ZMAT4: variants seen among roughly 807,000 people sequenced by gnomAD.
ZMAT4 encodes zinc finger matrin-type 4.
Under a neutral mutation model 28.7 loss-of-function variants are expected in ZMAT4, and 17 were observed. That is an observed-to-expected ratio of 0.59 (90% CI 0.41 to 0.89). The LOEUF is 0.89. ZMAT4 is among the 40% of genes least tolerant of loss of function. The pLI, the probability that ZMAT4 is intolerant of heterozygous loss-of-function variation, is 0.00. For synonymous variants in ZMAT4, 117 were observed against 109.2 expected (o/e 1.07, Z -0.44); for missense variants, 240 against 283.8 (o/e 0.85, Z 1.11).
intron 1 of ZMAT4, among the ~76,000 whole-genome samples, chr8:40,876,926 A>G (rs912069961): frequency 6.6e-6 from 1 of 152,062 alleles, no homozygotes; most frequent in African/African-American, 2.4e-5. Flanking sequence ...TACCTAAAAG[A>G]CTCTTGTTAC....
At chr8:40,666,689 A>G (rs1236229471) in intron 5 of ZMAT4, among the ~76,000 whole-genome samples, 2 of 152,150 alleles carry the variant, frequency 1.3e-5, no homozygotes, top group African/African-American at 2.4e-5. Flanking sequence ...AACACACAAA[A>G]TAAAGTTTCA....
At chr8:40,590,853 A>G in intron 5 of ZMAT4, among the ~76,000 whole-genome samples, 1 of 151,986 alleles carries the variant, frequency 6.6e-6, no homozygotes, top group Admixed American at 6.6e-5. Context: ...TTGATTACTT[A>G]GATATTAACG....
intron 6 of ZMAT4, among the ~76,000 whole-genome samples, chr8:40,532,923 C>T (rs1289026832): frequency 6.6e-6 from 1 of 150,708 alleles, no homozygotes; most frequent in African/African-American, 2.4e-5. Context: ...GAACCTGATG[C>T]AGTGAGCCGA....
At chr8:40,801,949 G>T (rs1283961124) in intron 2 of ZMAT4, among the ~76,000 whole-genome samples, 1 of 152,068 alleles carries the variant, frequency 6.6e-6, no homozygotes, top group Non-Finnish European at 1.5e-5. Flanking sequence ...GTAATCCGTT[G>T]CATCAACGGG....
intron 5 of ZMAT4, among the ~76,000 whole-genome samples, chr8:40,602,062 T>A (rs548518923): frequency 6.6e-6 from 1 of 152,188 alleles, no homozygotes; most frequent in Non-Finnish European, 1.5e-5. Context: ...ATCATTCTTA[T>A]GCCTTTGTGT....
At chr8:40,740,053 G>A (rs1459759418) in intron 3 of ZMAT4, among the ~76,000 whole-genome samples, 7 of 152,098 alleles carry the variant, frequency 4.6e-5, no homozygotes, top group East Asian at 1.9e-4. Context: ...ATTGATGGGC[G>A]TTTGGGTTGG....
At chr8:40,809,023 G>A (rs1815208235) in intron 2 of ZMAT4, among the ~76,000 whole-genome samples, 1 of 152,106 alleles carries the variant, frequency 6.6e-6, no homozygotes, top group African/African-American at 2.4e-5. Context: ...TATGTTCACT[G>A]CAGCACTATT....
chr8:40,755,544 C>T (rs568394291), intron 3 of ZMAT4, among the ~76,000 whole-genome samples: 2 of 152,264 alleles, frequency 1.3e-5, no homozygotes, highest in South Asian at 4.2e-4. Flanking sequence ...CCTCCGCCTC[C>T]CGGGTTCAAG....
At chr8:40,816,808 T>C (rs572816242) in intron 2 of ZMAT4, among the ~76,000 whole-genome samples, 2 of 152,296 alleles carry the variant, frequency 1.3e-5, no homozygotes, top group East Asian at 3.9e-4. Context: ...GAAAAAGAAG[T>C]CAGAATGCAA....
rs866069280 is a variant in ZMAT4 at position 40,557,607 on chromosome 8, G to A, written c.674+23558C>T. On this transcript the variant is annotated intron_variant, in intron 6 of 6. Coordinates refer to ENST00000297737, the MANE Select transcript of ZMAT4 (RefSeq NM_024645.3). ...TCAAGTTCTCCTCACAGGTGAGGTT[G>A]GTAGCCCCTCTTTTATATTCCCATA... 5.6e-4 allele frequency among the ~76,000 whole-genome samples: 85 copies of A among 152,266 alleles called. 1 individual carries two copies. The highest frequency in any genetic ancestry group is 6.8e-3 in the Middle Eastern group (2 of 294).
intron 1 of ZMAT4, among the ~76,000 whole-genome samples, chr8:40,853,342 G>C (rs1462918873): frequency 6.6e-6 from 1 of 152,182 alleles, no homozygotes; most frequent in African/African-American, 2.4e-5. Flanking sequence ...GAACCATGAG[G>C]TCAGGAGTTC....
chr8:40,532,733 C>T (rs955251396), intron 6 of ZMAT4, among the ~76,000 whole-genome samples: 69 of 152,192 alleles, frequency 4.5e-4, no homozygotes, highest in African/African-American at 1.5e-3. Context: ...TGCAGTGGCT[C>T]ATGCCTGTAA....
At chr8:40,658,340 A>G (rs1191710512) in intron 5 of ZMAT4, among the ~76,000 whole-genome samples, 1 of 152,142 alleles carries the variant, frequency 6.6e-6, no homozygotes, top group Non-Finnish European at 1.5e-5. Flanking sequence ...TGAATGATAC[A>G]TTGTATAAAC....
intron 4 of ZMAT4, among the ~76,000 whole-genome samples, chr8:40,692,872 T>C (rs957272436): frequency 8.5e-5 from 13 of 152,218 alleles, no homozygotes; most frequent in South Asian, 6.2e-4. Flanking sequence ...CTTGCTGATA[T>C]GGATTTATCA....
intron 3 of ZMAT4, among the ~76,000 whole-genome samples, chr8:40,720,418 C>T (rs1230067719): frequency 1.3e-5 from 2 of 151,942 alleles, no homozygotes; most frequent in Non-Finnish European, 2.9e-5. Flanking sequence ...CTCCTCCTTG[C>T]TGTAATCATC....
At chr8:40,666,970 C>T (rs971746395) in intron 5 of ZMAT4, among the ~76,000 whole-genome samples, 1 of 151,782 alleles carries the variant, frequency 6.6e-6, no homozygotes, top group Admixed American at 6.6e-5. Flanking sequence ...AAAATACACA[C>T]AAATCTATTA....
At chr8:40,645,440 A>G (rs1807258207) in intron 5 of ZMAT4, among the ~76,000 whole-genome samples, 1 of 152,178 alleles carries the variant, frequency 6.6e-6, no homozygotes, top group East Asian at 1.9e-4. Context: ...TAGAGAGAAG[A>G]ATATATAAAA....
At chr8:40,660,233 A>G (rs1037786122) in intron 5 of ZMAT4, among the ~76,000 whole-genome samples, 1 of 152,192 alleles carries the variant, frequency 6.6e-6, no homozygotes. Context: ...GGTAAGTAAC[A>G]TTTCTATTGG....
chr8:40,858,388 T>C (rs550593878), intron 1 of ZMAT4, among the ~76,000 whole-genome samples: 236 of 152,338 alleles, frequency 1.5e-3, no homozygotes, highest in Non-Finnish European at 3.0e-3. Context: ...TACAAGGCCA[T>C]GTGCAAAACA....
Sources: allele counts gnomAD v4.1 joint callset (sites outside exome capture counted in the v4.1 genomes callset), GRCh38; gene constraint gnomAD v4.1.1; transcripts MANE v1.5; gene names NCBI Gene and HGNC (gene_info 2026-07-23, HGNC 2026-07-21).